Variants in OSBPL1A observed in about 807,000 individuals in gnomAD.
The protein encoded by OSBPL1A is oxysterol-binding protein-related protein 1.
Under a neutral mutation model 137.1 loss-of-function variants are expected in OSBPL1A, and 80 were observed. The ratio of observed to expected loss-of-function variants is 0.58; its 90% CI spans 0.49 to 0.70. The LOEUF is 0.70. Ranked by LOEUF, OSBPL1A falls within the 30% of genes least tolerant of loss-of-function variation. The pLI, the probability that OSBPL1A is intolerant of heterozygous loss-of-function variation, is 0.00. For synonymous variants in OSBPL1A, 365 were observed against 389.7 expected, an observed-to-expected ratio of 0.94 and a Z score of 0.75; for missense variants, 970 against 1,129.4, an observed-to-expected ratio of 0.86 and a Z score of 2.02.
intron 14 of OSBPL1A, among the ~76,000 whole-genome samples, chr18:24,286,359 T>C (rs945654914): frequency 6.6e-6 from 1 of 152,154 alleles, no homozygotes; most frequent in African/African-American, 2.4e-5. Flanking sequence ...TAGAAATCTA[T>C]TTTTTGTTCA....
chr18:24,213,437 C>T (rs539542806), intron 17 of OSBPL1A, among the ~76,000 whole-genome samples: 11 of 152,062 alleles, frequency 7.2e-5, no homozygotes, highest in African/African-American at 1.9e-4. Context: ...GGTGTGGTGG[C>T]GCAGGCCTGT....
In OSBPL1A at chr18:24,323,539, CTTTTTTTT is replaced by C. The variant is rs763234169; in HGVS notation, c.626-4738_626-4731del. ...ACACCCAGCCAGGGTGAGGCTTTTT[CTTTTTTTT>C]TTTTTTTTTTTTTTATTATACTCTA... is the stretch of plus-strand genomic sequence containing the variant. On this transcript the variant is annotated intron_variant, in intron 7 of 27. Coordinates refer to ENST00000319481, the MANE Select transcript of OSBPL1A (RefSeq NM_080597.4). 2.8e-4 allele frequency among the ~76,000 whole-genome samples: 10 copies of C among 35,174 alleles called. 3 individuals are homozygous for C. The South Asian group carries it at 3.5e-3, about 12-fold the overall frequency. 23.1% of individuals were successfully genotyped at this position (35,174 alleles called of 152,430 possible). A position where few individuals can be genotyped will look rare whatever the true frequency, so the allele number is the denominator to read the frequency against.
Position 24,390,694 on chromosome 18 carries a change from CAAAAAAAAAAAAAAA to C in OSBPL1A, c.-3+6946_-3+6960del, listed in dbSNP as rs751432894. On this transcript the variant is annotated intron_variant, in intron 1 of 27. Transcript: ENST00000319481. The stretch of plus-strand genomic sequence containing the variant: ...TGGGCAACAGAGTGCGACTCCGTCT[CAAAAAAAAAAAAAAA>C]AAAAAAAAAAAAAGTCATTAAATTA... 1.2e-4 allele frequency among the ~76,000 whole-genome samples: 7 copies of C among 56,202 alleles called. No homozygotes were observed. In the Middle Eastern group the frequency reaches 0.034, roughly 274 times the overall value. 36.9% of individuals were successfully genotyped at this position (56,202 alleles called of 152,430 possible).
chr18:24,321,619 A>T, intron 7 of OSBPL1A: 1 of 480,258 alleles, frequency 2.1e-6, no homozygotes, highest in Non-Finnish European at 4.3e-6. Flanking sequence ...CAATGGTTCT[A>T]TGAGGACGTG....
At chr18:24,201,933 A>G (rs1458856259) in intron 17 of OSBPL1A, among the ~76,000 whole-genome samples, 1 of 152,146 alleles carries the variant, frequency 6.6e-6, no homozygotes, top group East Asian at 1.9e-4. Context: ...GGCCCTCTGA[A>G]AAAAAGAACA....
intron 13 of OSBPL1A, among the ~76,000 whole-genome samples, chr18:24,310,432 CAA>C (rs3039412): frequency 8.0e-4 from 72 of 89,714 alleles, no homozygotes; most frequent in Middle Eastern, 5.8e-3. Context: ...ACTAAAAATA[CAA>C]AAAAAAAAAA....
In OSBPL1A at chr18:24,303,676, T is replaced by G. The variant is rs1019689449; in HGVS notation, c.1135A>C (p.Asn379His). The G allele has an allele frequency of 3.7e-6, 6 of 1,613,698 alleles. No homozygotes were observed. Among genetic ancestry groups the G allele is most frequent in the Non-Finnish European group, 5.1e-6 (6 of 1,179,768 alleles). The stretch of plus-strand genomic sequence containing the variant: ...CACTCCTTAATCATTTTGAGAAAGT[T>G]GGAAATTTCCCTATCTAGTCGCTGT... Reference protein sequence around the residue: ...CQQRLDREISNFLKMIKECDM... With the variant: ...CQQRLDREISHFLKMIKECDM... Residue 379 changes from asparagine to histidine, a missense_variant, in exon 14 of 28, where the codon AAC becomes CAC. Around this residue, in one of 2 missense-constraint regions of OSBPL1A, gnomAD observed 647 missense variants for 672.6 expected, o/e 0.96. Transcript: ENST00000319481.
intron 17 of OSBPL1A, among the ~76,000 whole-genome samples, chr18:24,223,086 T>G (rs552368094): frequency 2.1e-4 from 32 of 152,232 alleles, no homozygotes; most frequent in African/African-American, 7.7e-4. Flanking sequence ...CCCCAGGTCA[T>G]GTAGCAACAT....
intron 17 of OSBPL1A, among the ~76,000 whole-genome samples, chr18:24,219,430 A>T (rs965897560): frequency 2.6e-5 from 4 of 152,196 alleles, no homozygotes; most frequent in African/African-American, 9.7e-5. Flanking sequence ...ATGCTTGAAA[A>T]TTTCCATAAT....
At chr18:24,268,778 G>A (rs1296078791) in intron 15 of OSBPL1A, among the ~76,000 whole-genome samples, 2 of 152,076 alleles carry the variant, frequency 1.3e-5, no homozygotes, top group African/African-American at 4.8e-5. Context: ...ACTTGTTCAA[G>A]CGTCTTCTCC....
At chr18:24,195,790 T>C (rs542701894) in intron 18 of OSBPL1A, among the ~76,000 whole-genome samples, 7 of 152,290 alleles carry the variant, frequency 4.6e-5, no homozygotes, top group African/African-American at 1.4e-4. Context: ...GAAGTGTAAG[T>C]GAAATTCTGT....
intron 7 of OSBPL1A, among the ~76,000 whole-genome samples, chr18:24,332,739 T>C (rs1314370123): frequency 6.6e-6 from 1 of 152,182 alleles, no homozygotes; most frequent in African/African-American, 2.4e-5. Flanking sequence ...ATAACAAGAA[T>C]CAACTGTACT....
At chr18:24,267,781 C>T (rs1219415834) in intron 15 of OSBPL1A, among the ~76,000 whole-genome samples, 1 of 151,158 alleles carries the variant, frequency 6.6e-6, no homozygotes, top group Non-Finnish European at 1.5e-5. Context: ...CTCTTTAAAT[C>T]TGGTAAATGG....
chr18:24,391,420 A>G (rs1907346554), intron 1 of OSBPL1A, among the ~76,000 whole-genome samples: 1 of 152,134 alleles, frequency 6.6e-6, no homozygotes, highest in South Asian at 2.1e-4. Context: ...TGAATAATAC[A>G]CTTAACAATG....
At chr18:24,256,963 G>GTAAAA in intron 15 of OSBPL1A, among the ~76,000 whole-genome samples, 1 of 10,146 alleles carries the variant, frequency 9.9e-5, no homozygotes, top group Non-Finnish European at 2.0e-4. Flanking sequence ...TGAAGAGGAT[G>GTAAAA]CAAAAAAAAA....
At position 24,317,307 on chromosome 18, in the gene OSBPL1A, G is replaced by A. The variant is rs2090754299; in HGVS notation, c.806+20C>T. On this transcript the variant is annotated intron_variant, in intron 10 of 27. Transcript: ENST00000319481. ...ATTTATACAGTGAAATTTGATAAGT[G>A]TAAAGATCATAATACTTACTGTTTC... 4 of 1,609,524 alleles carry A rather than the reference G, an allele frequency of 2.5e-6. No individual in the cohort carries two copies. The highest frequency in any genetic ancestry group is 3.3e-5 in the Admixed American group (2 of 59,996).
intron 17 of OSBPL1A, among the ~76,000 whole-genome samples, chr18:24,197,744 G>A (rs1285087248): frequency 6.7e-6 from 1 of 148,768 alleles, no homozygotes; most frequent in Non-Finnish European, 1.5e-5. Context: ...TTTTAGAGAT[G>A]TATGTAAATT....
chr18:24,388,541 T>G (rs1907095589), intron 1 of OSBPL1A, among the ~76,000 whole-genome samples: 1 of 152,036 alleles, frequency 6.6e-6, no homozygotes. Context: ...CACACCTGTC[T>G]GTAATCCCAG....
At chr18:24,394,835 C>T (rs991614016) in intron 1 of OSBPL1A, among the ~76,000 whole-genome samples, 8 of 148,512 alleles carry the variant, frequency 5.4e-5, no homozygotes, top group East Asian at 2.0e-4. Context: ...TTTCACTATA[C>T]AGTAATTTCC....
Sources: allele counts gnomAD v4.1 joint callset (sites outside exome capture counted in the v4.1 genomes callset), GRCh38; gene constraint gnomAD v4.1.1; regional missense constraint gnomAD v4.1.1; transcripts MANE v1.5; gene names NCBI Gene and HGNC (gene_info 2026-07-23, HGNC 2026-07-21).